Variants in GPBP1L1 observed in about 807,000 individuals in gnomAD.
GPBP1L1 encodes GC-rich promoter binding protein 1 like 1.
Under a neutral mutation model 52.5 loss-of-function variants are expected in GPBP1L1, and 23 were observed. That is an observed-to-expected ratio of 0.44 (90% CI 0.32 to 0.62). The LOEUF is 0.62. Ranked by LOEUF, GPBP1L1 falls within the 20% of genes least tolerant of loss-of-function variation. GPBP1L1 has a pLI of 0.06. For missense variants in GPBP1L1, 596 were observed against 579.3 expected (o/e 1.03, Z -0.30); for synonymous variants, 243 against 203.1 (o/e 1.20, Z -1.67).
chr1:45,665,735 C>G (rs1050196345), intron 2 of GPBP1L1, among the ~76,000 whole-genome samples: 1 of 113,934 alleles, frequency 8.8e-6, no homozygotes, highest in Non-Finnish European at 1.7e-5. Flanking sequence ...CAGAGCGAGA[C>G]GCCGTCTTAA....
intron 3 of GPBP1L1, among the ~76,000 whole-genome samples, chr1:45,659,542 T>C (rs1644923031): frequency 6.6e-6 from 1 of 152,180 alleles, no homozygotes; most frequent in Non-Finnish European, 1.5e-5. Flanking sequence ...TCTTGATTGT[T>C]ACATCAAAGA....
chr1:45,648,326 C>G (rs952547114), intron 6 of GPBP1L1, among the ~76,000 whole-genome samples: 5 of 152,116 alleles, frequency 3.3e-5, no homozygotes, highest in Non-Finnish European at 7.4e-5. Flanking sequence ...AGTTAAATTC[C>G]TTATATTAAC....
chr1:45,652,240 C>T (rs1012660676), intron 6 of GPBP1L1, among the ~76,000 whole-genome samples: 5 of 152,196 alleles, frequency 3.3e-5, no homozygotes, highest in African/African-American at 1.2e-4. Flanking sequence ...AACCACTAAG[C>T]TAGAGCCTCA....
chr1:45,628,109 C>A lies in GPBP1L1; in HGVS notation c.*147G>T. The stretch of plus-strand genomic sequence containing the variant: ...AGAACAATAACAAAAGCAAAACAAG[C>A]CAATTGCTCTCTCTTTGGGATATGA... On this transcript the variant is annotated 3_prime_UTR_variant, in exon 13 of 13. Transcript: ENST00000355105. The A allele has an allele frequency of 2.5e-6, 2 of 803,272 alleles. No homozygotes were observed. Among genetic ancestry groups the A allele is most frequent in the Admixed American group, 4.9e-5 (2 of 40,772 alleles). The allele number at this position is 803,272 out of a possible 1,614,324, so 49.8% of individuals were successfully genotyped here. A position where few individuals can be genotyped will look rare whatever the true frequency, so the allele number is the denominator to read the frequency against.
At chr1:45,634,358 C>T in intron 8 of GPBP1L1, 122 bp from the exon 9 acceptor site, 2 of 1,010,228 alleles carry the variant, frequency 2.0e-6, no homozygotes, top group Middle Eastern at 3.4e-4. Context: ...GCTTACCTGT[C>T]TTAACATGTT....
At chr1:45,658,777 C>A in intron 4 of GPBP1L1, 1 of 456,210 alleles carries the variant, frequency 2.2e-6, no homozygotes, top group Non-Finnish European at 3.9e-6. Flanking sequence ...AAAACAACAA[C>A]AACAAAAACA....
intron 2 of GPBP1L1, among the ~76,000 whole-genome samples, chr1:45,664,182 T>C (rs907128588): frequency 2.0e-5 from 3 of 152,214 alleles, no homozygotes; most frequent in Non-Finnish European, 2.9e-5. Context: ...TAGCTGGGCA[T>C]GGTGGCAAGC....
Position 45,686,164 on chromosome 1 carries a change from C to A in GPBP1L1, c.-1143+248G>T, listed in dbSNP as rs189260926. ...CCGACGACCGAAGTTAAAGTAGGAG[C>A]GCTTTCGCGGAGCCCCGGCGACGCT... On this transcript the variant is annotated intron_variant, in intron 1 of 12. Transcript: ENST00000355105. 5.9e-5 allele frequency among the ~76,000 whole-genome samples: 9 copies of A among 152,366 alleles called. No homozygotes were observed. The South Asian group carries it at 1.7e-3, about 28-fold the overall frequency.
At chr1:45,649,530 A>T (rs1289888975) in intron 6 of GPBP1L1, among the ~76,000 whole-genome samples, 1 of 151,504 alleles carries the variant, frequency 6.6e-6, no homozygotes, top group African/African-American at 2.4e-5. Context: ...TAGAATCCTC[A>T]ATTTGGGCTT....
intron 8 of GPBP1L1, 95 bp from the exon 9 acceptor site, chr1:45,634,331 G>A: frequency 2.4e-6 from 3 of 1,276,152 alleles, no homozygotes; most frequent in Non-Finnish European, 3.2e-6. Context: ...TGTTACATGA[G>A]AACATAAGTT....
chr1:45,673,695 A>G (rs1174191438), intron 2 of GPBP1L1, among the ~76,000 whole-genome samples: 1 of 152,106 alleles, frequency 6.6e-6, no homozygotes, highest in Non-Finnish European at 1.5e-5. Flanking sequence ...CCCCATCTCT[A>G]CTAAAAATAC....
chr1:45,640,455 C>T, intron 7 of GPBP1L1, 52 bp from the exon 8 acceptor site: 1 of 1,454,596 alleles, frequency 6.9e-7, no homozygotes, highest in Non-Finnish European at 9.6e-7. Context: ...TGTTGTGTAA[C>T]ATGAAGCATA....
At chr1:45,667,500 C>T (rs560699867) in intron 2 of GPBP1L1, among the ~76,000 whole-genome samples, 179 of 152,256 alleles carry the variant, frequency 1.2e-3, no homozygotes, top group African/African-American at 3.6e-3. Context: ...AGCACCTCCC[C>T]GGCCAAGAGT....
chr1:45,633,511 C>G lies in GPBP1L1; in HGVS notation c.1022G>C (p.Arg341Thr). The change falls in exon 10 of 13, where the codon AGA becomes ACA. Residue 341 changes from arginine (R) to threonine (T), a missense_variant. Physicochemically the swap from Arg to Thr is moderately conservative, Grantham distance 71. Coordinates refer to ENST00000355105, the MANE Select transcript of GPBP1L1 (RefSeq NM_021639.5). The stretch of plus-strand genomic sequence containing the variant: ...TACATCTTCCAGCTTGTCACAGTCT[C>G]TATTCTCTGAGAAGTCTCCATTCCG... ...DDRNGDFSENRDCDKLEDLED... is the reference protein window; with the variant it reads ...DDRNGDFSENTDCDKLEDLED... The G allele has an allele frequency of 1.2e-6, 2 of 1,614,076 alleles. No individual in the cohort carries two copies. The highest frequency in any genetic ancestry group is 1.7e-6 in the Non-Finnish European group (2 of 1,180,014).
At chr1:45,655,103 T>C in intron 5 of GPBP1L1, 87 bp downstream of exon 5, 1 of 1,510,826 alleles carries the variant, frequency 6.6e-7, no homozygotes, top group Non-Finnish European at 9.1e-7. Context: ...AAAGATCCTA[T>C]TTCAAGATTA....
In GPBP1L1 at chr1:45,654,830, CTAGAA is replaced by C; in HGVS notation, c.191-6_191-2del. ...AACAGGGAGGGCTGGTGCCAAGAATCTAGAATAGTAAAGAAAAGGACTAATTAGAT... is the reference window on the plus strand; with the variant it reads ...AACAGGGAGGGCTGGTGCCAAGAATCTAGTAAAGAAAAGGACTAATTAGAT... On this transcript the variant is annotated splice_acceptor_variant and splice_polypyrimidine_tract_variant and intron_variant, in intron 5 of 12. Coordinates refer to ENST00000355105, the MANE Select transcript of GPBP1L1 (RefSeq NM_021639.5). LOFTEE classifies it high-confidence loss of function. 3 of 1,612,974 alleles carry C rather than the reference CTAGAA, an allele frequency of 1.9e-6. No homozygotes were observed. Among genetic ancestry groups the C allele is most frequent in the Non-Finnish European group, 2.5e-6 (3 of 1,179,502 alleles).
At chr1:45,645,822 A>T (rs1216597832) in intron 6 of GPBP1L1, 1 of 473,858 alleles carries the variant, frequency 2.1e-6, no homozygotes, top group East Asian at 5.7e-5. Context: ...ATCCCTAGAA[A>T]CAAAATCCAA....
intron 8 of GPBP1L1, among the ~76,000 whole-genome samples, chr1:45,637,914 T>C (rs905220589): frequency 6.6e-6 from 1 of 152,184 alleles, no homozygotes; most frequent in African/African-American, 2.4e-5. Context: ...GTCTATTTTA[T>C]AGAAGAAGAA....
At chr1:45,687,704 A>T (rs1374273927), upstream of GPBP1L1, 1 of 152,238 alleles carries the variant, frequency 6.6e-6, no homozygotes, top group Non-Finnish European at 1.5e-5. Context: ...TGGAAGTGAA[A>T]ATCCTGCTCT....
Sources: allele counts gnomAD v4.1 joint callset (sites outside exome capture counted in the v4.1 genomes callset), GRCh38; gene constraint gnomAD v4.1.1; transcripts MANE v1.5; gene names NCBI Gene and HGNC (gene_info 2026-07-23, HGNC 2026-07-21).